Variants in ZNF273 observed in about 807,000 individuals in gnomAD.
ZNF273 encodes the protein zinc finger protein 273.
In ZNF273, 11 loss-of-function variants were observed where a neutral mutation model predicts 14.9. The observed-to-expected ratio is 0.74, with a 90% CI of 0.46 to 1.22. The LOEUF is 1.22. ZNF273 is among the 50% of genes most tolerant of loss of function. The pLI, the probability that ZNF273 is intolerant of heterozygous loss-of-function variation, is 0.00. For missense variants in ZNF273, 577 were observed against 660.6 expected, an observed-to-expected ratio of 0.87 and a Z score of 1.39; for synonymous variants, 199 against 223.9, an observed-to-expected ratio of 0.89 and a Z score of 0.99.
intron 1 of ZNF273, among the ~76,000 whole-genome samples, chr7:64,904,676 TTTAA>T (rs1363919507): frequency 6.6e-6 from 1 of 152,218 alleles, no homozygotes; most frequent in Non-Finnish European, 1.5e-5. Context: ...GATACTGTAT[TTTAA>T]TTAATCATTT....
At chr7:64,883,294 C>T (rs1791371132), downstream of ZNF273, among the ~76,000 whole-genome samples, 1 of 151,740 alleles carries the variant, frequency 6.6e-6, no homozygotes, top group South Asian at 2.1e-4. Flanking sequence ...CCGAGCGCCT[C>T]CTTTTCCGGT....
intron 1 of ZNF273, among the ~76,000 whole-genome samples, chr7:64,914,961 C>G (rs1038406986): frequency 1.0e-5 from 1 of 98,140 alleles, no homozygotes. Flanking sequence ...TGTCTCAGAT[C>G]AAGAGCTGTG....
intron 1 of ZNF273, among the ~76,000 whole-genome samples, chr7:64,904,237 C>G (rs1792933164): frequency 6.6e-6 from 1 of 152,142 alleles, no homozygotes; most frequent in African/African-American, 2.4e-5. Context: ...TACAGGCGCA[C>G]GCCGCCACGC....
At chr7:64,885,303 A>G (rs7780295) in intron 1 of ZNF273, among the ~76,000 whole-genome samples, 147,424 of 152,286 alleles carry the variant, frequency 0.97, 71,551 homozygotes, top group East Asian at 1. Flanking sequence ...GTGACCTTAA[A>G]CAAGTCACTG....
rs768522722 is a variant in ZNF273 at position 64,918,286 on chromosome 7, C to T, written c.319C>T (p.Pro107Ser). 1.9e-6 allele frequency: 3 copies of T among 1,558,702 alleles called. No homozygotes were observed. Among genetic ancestry groups the T allele is most frequent in the African/African-American group, 2.7e-5 (2 of 72,998 alleles). Residue 107 changes from proline to serine, a missense_variant, in exon 3 of 4, where the codon CCC (proline) becomes TCC (serine). This residue lies in a region of ZNF273 where 162 missense variants were observed against 203.5 expected (regional missense o/e 0.80). Transcript: ENST00000476120. ...GAAGAGACATGCGATGGTAGCCAAA[C>T]CCCCAGGTAGGTGAGAGTGATAGCG... is the stretch of plus-strand genomic sequence containing the variant. ...NMKRHAMVAK[P>S]PVVCSHFAQD... is the part of the protein sequence containing the mutation.
chr7:64,904,393 T>C (rs1470843160), intron 1 of ZNF273, among the ~76,000 whole-genome samples: 1 of 152,078 alleles, frequency 6.6e-6, no homozygotes, highest in East Asian at 1.9e-4. Context: ...CCCGGCCAAT[T>C]TGAGTTAGAT....
chr7:64,896,203 C>A (rs2129048618), intron 3 of ZNF273, among the ~76,000 whole-genome samples: 1 of 152,218 alleles, frequency 6.6e-6, no homozygotes, highest in African/African-American at 2.4e-5. Context: ...GATTCAAAAC[C>A]AACCTTATTT....
rs1483232161 is a variant in ZNF273, at chr7:64,930,688, TA to T, written c.*1652del. Reference sequence around the variant, plus strand: ...TTTGCCAGTGGCTTTAAACTGCAGATAAGTTAAATATTCCCATAGGTTTTAC... The same window carrying T: ...TTTGCCAGTGGCTTTAAACTGCAGATAGTTAAATATTCCCATAGGTTTTAC... On this transcript the variant is annotated 3_prime_UTR_variant, in exon 4 of 4. Coordinates refer to ENST00000476120, the MANE Select transcript of ZNF273 (RefSeq NM_021148.3). The T allele has an allele frequency of 1.3e-5, 2 of 152,182 alleles. No individual in the cohort carries two copies. The highest frequency in any genetic ancestry group is 2.9e-5 in the Non-Finnish European group (2 of 68,004). The allele number at this position is 152,182 out of a possible 1,614,324, so 9.4% of individuals were successfully genotyped here.
At chr7:64,911,879 C>T (rs1793540315) in intron 1 of ZNF273, among the ~76,000 whole-genome samples, 2 of 152,240 alleles carry the variant, frequency 1.3e-5, no homozygotes, top group South Asian at 2.1e-4. Context: ...ATAAATTTCC[C>T]TCTTAACACT....
intron 3 of ZNF273, among the ~76,000 whole-genome samples, chr7:64,896,306 T>C (rs1308750986): frequency 2.0e-5 from 3 of 152,064 alleles, no homozygotes; most frequent in African/African-American, 7.2e-5. Context: ...TCTAATATAT[T>C]TGGTTCCGCA....
intron 3 of ZNF273, among the ~76,000 whole-genome samples, chr7:64,925,164 TTA>T (rs1188025955): frequency 6.6e-6 from 1 of 152,072 alleles, no homozygotes; most frequent in Non-Finnish European, 1.5e-5. Flanking sequence ...GGAAAGTTAA[TTA>T]TATATATTCA....
At chr7:64,895,605 A>G (rs562030161) in intron 3 of ZNF273, among the ~76,000 whole-genome samples, 22 of 152,344 alleles carry the variant, frequency 1.4e-4, no homozygotes, top group African/African-American at 4.8e-4. Context: ...GGCTTAGTAT[A>G]AAAAAGCTGT....
At chr7:64,880,901 G>A (rs1262260231), downstream of ZNF273, among the ~76,000 whole-genome samples, 1 of 152,100 alleles carries the variant, frequency 6.6e-6, no homozygotes, top group African/African-American at 2.4e-5. Flanking sequence ...GGCACTTCAC[G>A]TCGTGAGGCG....
chr7:64,934,680 T>C (rs1431797579), downstream of ZNF273, among the ~76,000 whole-genome samples: 2 of 152,212 alleles, frequency 1.3e-5, no homozygotes, highest in Non-Finnish European at 2.9e-5. Context: ...TCTGTTTTTA[T>C]TCAAGTACCA....
Position 64,929,725 on chromosome 7 carries a change from G to A in ZNF273, c.*687G>A, listed in dbSNP as rs1435440793. ...TTGGTAGATAACTAATAGTGAACAA[G>A]TTTTTGGCAGAGGTATATTTACATT... On this transcript the variant is annotated 3_prime_UTR_variant, in exon 4 of 4. Transcript: ENST00000476120. The A allele has an allele frequency of 1.3e-5, 2 of 152,008 alleles. No homozygotes were observed. The highest frequency in any genetic ancestry group is 2.4e-5 in the African/African-American group (1 of 41,354). The allele number at this position is 152,008 out of a possible 1,614,324, so 9.4% of individuals were successfully genotyped here.
chr7:64,909,542 T>C (rs149463457), intron 1 of ZNF273, among the ~76,000 whole-genome samples: 25 of 152,336 alleles, frequency 1.6e-4, no homozygotes, highest in African/African-American at 5.3e-4. Flanking sequence ...ATGTTTTCTT[T>C]ATCCGGTCTA....
chr7:64,937,098 CAA>C, the ZNF273 span, among the ~76,000 whole-genome samples: 24 of 152,302 alleles, frequency 1.6e-4, no homozygotes, highest in African/African-American at 5.1e-4. Context: ...TAGAAATCAA[CAA>C]AATGAATCTT....
At chr7:64,883,739 TG>T (rs1244916813), downstream of ZNF273, among the ~76,000 whole-genome samples, 1 of 152,176 alleles carries the variant, frequency 6.6e-6, no homozygotes, top group Non-Finnish European at 1.5e-5. Context: ...GGACTGAGGC[TG>T]GGCGTGATGT....
downstream of ZNF273, chr7:64,889,296 C>T: frequency 1.0e-6 from 1 of 957,298 alleles, no homozygotes; most frequent in East Asian, 1.2e-4. This position sits in a 1 kb window ranked among gnomAD's most constrained non-coding sequence, Gnocchi z 4.2. Context: ...TGTCCAGGCT[C>T]TCGCCCGCCG....
Sources: allele counts gnomAD v4.1 joint callset (sites outside exome capture counted in the v4.1 genomes callset), GRCh38; gene constraint gnomAD v4.1.1; regional missense constraint gnomAD v4.1.1; non-coding constraint Gnocchi (gnomAD v3.1); transcripts MANE v1.5; gene names NCBI Gene and HGNC (gene_info 2026-07-23, HGNC 2026-07-21).